The following VAT1 variants were observed in gnomAD, a reference collection of about 807,000 sequenced individuals.
The protein encoded by VAT1 is NADPH-dependent quinone oxidoreductase VAT1.
VAT1 carries 24 observed loss-of-function variants against 33.3 expected under a neutral mutation model. The observed-to-expected ratio is 0.72, with a 90% CI of 0.52 to 1.01. The LOEUF is 1.01. Among genes scored for constraint, VAT1 ranks in the 50% least tolerant of loss-of-function variants. The probability of loss-of-function intolerance (pLI) is 0.00; values close to 1 mark genes in which losing one functional copy is unlikely to be tolerated. For synonymous variants in VAT1, 212 were observed against 225.0 expected, an observed-to-expected ratio of 0.94 and a Z score of 0.52; for missense variants, 436 against 533.7, an observed-to-expected ratio of 0.82 and a Z score of 1.80.
At chr17:43,021,905 A>AGCCCT (rs767177709) in intron 1 of VAT1, 31 bp downstream of exon 1, 443 of 1,608,082 alleles carry the variant, frequency 2.8e-4, no homozygotes, top group Non-Finnish European at 3.6e-4. Flanking sequence ...TGGCCTGCGC[A>AGCCCT]GCCCTGCCCT....
chr17:43,022,374 G>A lies in VAT1; in HGVS notation c.-52C>T. Reference sequence around the variant, plus strand: ...AGCTGGATGGAGAGTGCACAGCTGGGGAAGGCGGAACGCGTCGGGAAGAGC... The same window carrying A: ...AGCTGGATGGAGAGTGCACAGCTGGAGAAGGCGGAACGCGTCGGGAAGAGC... On this transcript the variant is annotated 5_prime_UTR_variant, in exon 1 of 6. Transcript: ENST00000355653. 1 of 1,467,950 alleles carries A rather than the reference G, an allele frequency of 6.8e-7. No individual in the cohort carries two copies. The highest frequency in any genetic ancestry group is 9.0e-7 in the Non-Finnish European group (1 of 1,114,304). 90.9% of individuals were successfully genotyped at this position (1,467,950 alleles called of 1,614,324 possible).
At position 43,017,873 on chromosome 17, in the gene VAT1, AGGTTGTAGCCCTT is replaced by A; in HGVS notation, c.811_823del (p.Lys271SerfsTer2). The A allele has an allele frequency of 6.2e-7, 1 of 1,614,090 alleles. No individual in the cohort carries two copies. Among genetic ancestry groups the A allele is most frequent in the Non-Finnish European group, 8.5e-7 (1 of 1,180,016 alleles). On this transcript the variant is annotated frameshift_variant, in exon 4 of 6. Transcript: ENST00000355653. LOFTEE classifies it high-confidence loss of function. The stretch of plus-strand genomic sequence containing the variant: ...GACGACTTTGCCCATGGGTTTCAGG[AGGTTGTAGCCCTT>A]GGCAGTATCTGACCCACCCAGAGGG...
chr17:43,018,215 A>C lies in VAT1; in HGVS notation c.596-9T>G, dbSNP rs1186313851. ...AGCCATACCCACACCCCCTGCAGCA[A>C]GACACCCATAAGCAGGGGATATGGA... On this transcript the variant is annotated splice_polypyrimidine_tract_variant and intron_variant, in intron 2 of 5. Transcript: ENST00000355653. 6.2e-7 allele frequency: 1 copy of C among 1,603,070 alleles called. No homozygotes were observed. The highest frequency in any genetic ancestry group is 2.2e-5 in the East Asian group (1 of 44,602).
rs765473527 is a variant in VAT1, at chr17:43,016,148, G to T, written c.1099-4C>A. 2 of 1,614,126 alleles carry T rather than the reference G, an allele frequency of 1.2e-6. No homozygotes were observed. Among genetic ancestry groups the T allele is most frequent in the East Asian group, 2.2e-5 (1 of 44,888 alleles). ...TCTGTTTCATGGCATCAGCCACCTG[G>T]GGAGGAAGGAAAGATGCGGCTCCCA... On this transcript the variant is annotated splice_region_variant and splice_polypyrimidine_tract_variant and intron_variant, in intron 5 of 5. Coordinates refer to ENST00000355653, the MANE Select transcript of VAT1 (RefSeq NM_006373.4).
chr17:43,020,142 C>G, intron 1 of VAT1: 1 of 985,398 alleles, frequency 1.0e-6, no homozygotes, highest in Admixed American at 6.1e-5. Flanking sequence ...GTCTCACTTA[C>G]CCTGGCTCAT....
At position 43,015,881 on chromosome 17, in the gene VAT1, A is replaced by T; in HGVS notation, c.*180T>A. 1.4e-6 allele frequency: 1 copy of T among 725,944 alleles called. No homozygotes were observed. Among genetic ancestry groups the T allele is most frequent in the Non-Finnish European group, 2.4e-6 (1 of 423,258 alleles). The allele number at this position is 725,944 out of a possible 1,614,324, so 45.0% of individuals were successfully genotyped here. ...CAGACATCCAAATGGTCACTTCCCA[A>T]CCTCTTCAGAGGTCAGGAAGCGGGG... On this transcript the variant is annotated 3_prime_UTR_variant, in exon 6 of 6. Coordinates refer to ENST00000355653, the MANE Select transcript of VAT1 (RefSeq NM_006373.4).
chr17:43,018,522 G>A (rs1414392342), intron 2 of VAT1, 70 bp downstream of exon 2: 2 of 1,545,966 alleles, frequency 1.3e-6, no homozygotes, highest in African/African-American at 2.7e-5. Context: ...AACCCAGACA[G>A]GCTGCAGGGA....
At chr17:43,017,962 A>G in intron 3 of VAT1, 32 bp from the exon 4 acceptor site, 1 of 1,613,748 alleles carries the variant, frequency 6.2e-7, no homozygotes, top group Non-Finnish European at 8.5e-7. Context: ...CAAGAACAAC[A>G]TTAGGATCCA....
At chr17:43,016,216 G>A in intron 5 of VAT1, 72 bp from the exon 6 acceptor site, 7 of 1,611,114 alleles carry the variant, frequency 4.3e-6, no homozygotes, top group Non-Finnish European at 5.9e-6. Flanking sequence ...TGTGATGCAG[G>A]CAGCCCTCCT....
Position 43,022,082 on chromosome 17 carries a change from G to A in VAT1, c.241C>T (p.Leu81=), listed in dbSNP as rs1358217675. The A allele has an allele frequency of 1.3e-6, 2 of 1,593,054 alleles. No individual in the cohort carries two copies. Among genetic ancestry groups the A allele is most frequent in the African/African-American group, 1.3e-5 (1 of 74,576 alleles). ...TTGAGCCCGCAGGCCCGCAGACGCA[G>A]CGTCAGCTGGCCGGGCCCAGGGGCC... The part of the protein sequence containing the change: ...PPAPGPGQLT[L]RLRACGLNFA... The change falls in exon 1 of 6, where the codon CTG becomes TTG. Residue 81 remains leucine, a synonymous_variant. Transcript: ENST00000355653.
Position 43,017,582 on chromosome 17 carries a change from C to CAAAA in VAT1, c.856+255_856+258dup, listed in dbSNP as rs55979457. Among the ~76,000 whole-genome samples, 133 of 66,452 alleles carry CAAAA rather than the reference C, an allele frequency of 2.0e-3. 3 individuals carry two copies. The highest frequency in any genetic ancestry group is 3.4e-3 in the Non-Finnish European group (116 of 34,288). 43.6% of individuals were successfully genotyped at this position (66,452 alleles called of 152,430 possible). On this transcript the variant is annotated intron_variant, in intron 4 of 5. Transcript: ENST00000355653. ...GGGCGACAAGAGCGAAACTCCATCT[C>CAAAA]AAAAAAAAAAAAAAAAAAAAAAGAA... is the stretch of plus-strand genomic sequence containing the variant.
chr17:43,017,794 C>A, intron 4 of VAT1, 47 bp downstream of exon 4: 9 of 1,582,750 alleles, frequency 5.7e-6, no homozygotes, highest in Non-Finnish European at 7.8e-6. Flanking sequence ...CTTAGACCCT[C>A]CCTCCTGCCC....
In VAT1 at chr17:43,016,426, G is replaced by A. The variant is rs781727994; in HGVS notation, c.979C>T (p.His327Tyr). 4.3e-6 allele frequency: 7 copies of A among 1,614,042 alleles called. No homozygotes were observed. The highest frequency in any genetic ancestry group is 5.9e-6 in the Non-Finnish European group (7 of 1,180,052). Residue 327 changes from histidine (H) to tyrosine (Y), a missense_variant, in exon 5 of 6, where the codon CAC (histidine) becomes TAC (tyrosine). Transcript: ENST00000355653. ...LQANRAVCGF[H>Y]LGYLDGEVEL... ...ACCTCACCATCCAGGTAGCCCAGGT[G>A]GAAGCCACACACAGCCCGGTTGGCC...
chr17:43,016,211 T>C (rs1197162652), intron 5 of VAT1, 67 bp from the exon 6 acceptor site: 1 of 1,612,110 alleles, frequency 6.2e-7, no homozygotes, highest in Admixed American at 1.7e-5. Flanking sequence ...GCCAGTGTGA[T>C]GCAGGCAGCC....
At chr17:43,020,789 C>A (rs1483855683) in intron 1 of VAT1, among the ~76,000 whole-genome samples, 2 of 149,382 alleles carry the variant, frequency 1.3e-5, no homozygotes, top group East Asian at 2.0e-4. Flanking sequence ...GCAGGAGAAT[C>A]GCTTGAACCC....
In VAT1 at chr17:43,018,203, C is replaced by A. The variant is rs149157105; in HGVS notation, c.599G>T (p.Gly200Val). The A allele has an allele frequency of 6.2e-7, 1 of 1,605,114 alleles. No individual in the cohort carries two copies. The highest frequency in any genetic ancestry group is 8.5e-7 in the Non-Finnish European group (1 of 1,174,010). ...HSVLVHMAAG[G>V]VGMAAVQLCR... ...CAGCTGCACGGCAGCCATACCCACA[C>A]CCCCTGCAGCAAGACACCCATAAGC... is the stretch of plus-strand genomic sequence containing the variant. The change falls in exon 3 of 6, where the codon GGT becomes GTT. Residue 200 changes from glycine to valine, a missense_variant. Coordinates refer to ENST00000355653, the MANE Select transcript of VAT1 (RefSeq NM_006373.4).
Position 43,022,178 on chromosome 17 carries a change from G to A in VAT1, c.145C>T (p.Arg49Cys). The A allele has an allele frequency of 6.4e-7, 1 of 1,558,774 alleles. No individual in the cohort carries two copies. Among genetic ancestry groups the A allele is most frequent in the East Asian group, 2.4e-5 (1 of 41,558 alleles). ...AAAAASPPLL[R>C]CLVLTGFGGY... The stretch of plus-strand genomic sequence containing the variant: ...CCAAAGCCGGTGAGCACTAGGCAGC[G>A]CAGCAGTGGCGGCGAGGCGGCGGCG... The change falls in exon 1 of 6, where the codon CGC becomes TGC. Residue 49 changes from arginine (R) to cysteine (C), a missense_variant. Arg to Cys is a radical substitution (Grantham distance 180). This residue lies in a region of VAT1 where 154 missense variants were observed against 128.3 expected (regional missense o/e 1.20). Transcript: ENST00000355653.
At position 43,016,560 on chromosome 17, in the gene VAT1, G is replaced by T. The variant is rs2050522395; in HGVS notation, c.857-12C>A. On this transcript the variant is annotated splice_polypyrimidine_tract_variant and intron_variant, in intron 4 of 5. Transcript: ENST00000355653. ...CAGGTTGGCCATTCCTGAAGGACAAGGTGACATAGCCTGTGAACCCCCCCA... is the reference window on the plus strand; with the variant it reads ...CAGGTTGGCCATTCCTGAAGGACAATGTGACATAGCCTGTGAACCCCCCCA... The T allele has an allele frequency of 6.2e-7, 1 of 1,611,934 alleles. No individual in the cohort carries two copies. Among genetic ancestry groups the T allele is most frequent in the African/African-American group, 1.3e-5 (1 of 74,874 alleles).
In VAT1 at chr17:43,022,070, C is replaced by T; in HGVS notation, c.253G>A (p.Ala85Thr). 1 of 1,600,386 alleles carries T rather than the reference C, an allele frequency of 6.2e-7. No individual in the cohort carries two copies. Among genetic ancestry groups the T allele is most frequent in the East Asian group, 2.3e-5 (1 of 44,156 alleles). The stretch of plus-strand genomic sequence containing the variant: ...AGGTCTGCGAAGTTGAGCCCGCAGG[C>T]CCGCAGACGCAGCGTCAGCTGGCCG... ...GPGQLTLRLR[A>T]CGLNFADLMA... Residue 85 changes from alanine (A) to threonine (T), a missense_variant, in exon 1 of 6, where the codon GCC (alanine) becomes ACC (threonine). By Grantham distance (58) the Ala-to-Thr change is moderately conservative. Around this residue, in one of 2 missense-constraint regions of VAT1, gnomAD observed 154 missense variants for 128.3 expected, o/e 1.20. Coordinates refer to ENST00000355653, the MANE Select transcript of VAT1 (RefSeq NM_006373.4).
Sources: gnomAD v4.1 joint callset for allele counts (sites outside exome capture counted in the v4.1 genomes callset) on GRCh38, gnomAD v4.1.1 for gene constraint, gnomAD v4.1.1 regional missense constraint, MANE v1.5 for transcripts, NCBI Gene and HGNC (gene_info 2026-07-23, HGNC 2026-07-21) for gene names.